Variants in ESRRB observed in about 807,000 individuals in gnomAD.
The protein encoded by ESRRB is steroid hormone receptor ERR2.
In ESRRB, 16 loss-of-function variants were observed where a neutral mutation model predicts 46.0. That is an observed-to-expected ratio of 0.35 (90% CI 0.24 to 0.53). The LOEUF is 0.53. Among genes scored for constraint, ESRRB ranks in the 20% least tolerant of loss-of-function variants. ESRRB has a pLI of 0.93. For missense variants in ESRRB, 488 were observed against 607.4 expected, an observed-to-expected ratio of 0.80 and a Z score of 2.07; for synonymous variants, 246 against 259.6, an observed-to-expected ratio of 0.95 and a Z score of 0.50.
At chr14:76,392,643 C>G (rs906711551) in intron 1 of ESRRB, among the ~76,000 whole-genome samples, 1 of 152,212 alleles carries the variant, frequency 6.6e-6, no homozygotes, top group Non-Finnish European at 1.5e-5. Flanking sequence ...AATGTGGTCT[C>G]AGGCAGAACT....
At chr14:76,398,642 G>T (rs546685779) in intron 1 of ESRRB, among the ~76,000 whole-genome samples, 1 of 152,228 alleles carries the variant, frequency 6.6e-6, no homozygotes, top group East Asian at 1.9e-4. Flanking sequence ...TAGTCAAGGG[G>T]GCATACGTAT....
At chr14:76,435,130 G>C (rs1887618960) in intron 1 of ESRRB, among the ~76,000 whole-genome samples, 1 of 152,228 alleles carries the variant, frequency 6.6e-6, no homozygotes, top group South Asian at 2.1e-4. Flanking sequence ...CTGATGGGCA[G>C]CCGCTAGTAT....
At chr14:76,328,887 G>A (rs1883969476) in intron 1 of ESRRB, among the ~76,000 whole-genome samples, 1 of 152,148 alleles carries the variant, frequency 6.6e-6, no homozygotes, top group South Asian at 2.1e-4. Context: ...CAGGAACTAT[G>A]TTGCAAATAT....
At chr14:76,315,817 C>T (rs1883793462) in intron 1 of ESRRB, among the ~76,000 whole-genome samples, 1 of 152,202 alleles carries the variant, frequency 6.6e-6, no homozygotes, top group Non-Finnish European at 1.5e-5. Flanking sequence ...CTGAGAAGAA[C>T]CCAGGACCTT....
chr14:76,317,747 T>G (rs1201295761), intron 1 of ESRRB, among the ~76,000 whole-genome samples: 2 of 152,152 alleles, frequency 1.3e-5, no homozygotes, highest in African/African-American at 4.8e-5. Context: ...TGCTGGTAAT[T>G]CAGGTGCTGA....
chr14:76,381,587 G>A (rs902123070), intron 1 of ESRRB, among the ~76,000 whole-genome samples: 1 of 152,202 alleles, frequency 6.6e-6, no homozygotes, highest in Non-Finnish European at 1.5e-5. Flanking sequence ...GGATGTGACG[G>A]AAGGACTGTG....
At chr14:76,473,848 A>G (rs950817427) in intron 3 of ESRRB, among the ~76,000 whole-genome samples, 1 of 152,244 alleles carries the variant, frequency 6.6e-6, no homozygotes, top group Non-Finnish European at 1.5e-5. Flanking sequence ...TGGAGAGGCC[A>G]GCAGAGGGGG....
At position 76,433,841 on chromosome 14, in the gene ESRRB, G is replaced by A. The variant is rs149907083; in HGVS notation, c.51-5500G>A. 2.3e-3 allele frequency among the ~76,000 whole-genome samples: 344 copies of A among 152,006 alleles called. 2 individuals carry two copies. The Middle Eastern group carries it at 0.024, about 11-fold the overall frequency. Reference sequence around the variant, plus strand: ...TATAGGATGGAATCTGCTGCCCACCGCCCTTCTAGATGGCTCTGCTCATCC... The same window carrying A: ...TATAGGATGGAATCTGCTGCCCACCACCCTTCTAGATGGCTCTGCTCATCC... On this transcript the variant is annotated intron_variant, in intron 1 of 6. Coordinates refer to ENST00000644823, the MANE Select transcript of ESRRB (RefSeq NM_001379180.1).
In ESRRB at chr14:76,439,601, T is replaced by C; in HGVS notation, c.311T>C (p.Ile104Thr). The C allele has an allele frequency of 1.2e-6, 2 of 1,614,192 alleles. No homozygotes were observed. Among genetic ancestry groups the C allele is most frequent in the Non-Finnish European group, 1.7e-6 (2 of 1,180,014 alleles). ...AGCTACGAGGACTGTGCCAGCGGCA[T>C]CATGGAGGACTCGGCCATCAAGTGC... ...RKSYEDCASG[I>T]MEDSAIKCEY... is the part of the protein sequence containing the mutation. The change falls in exon 2 of 7, where the codon ATC (isoleucine) becomes ACC (threonine). Residue 104 changes from isoleucine to threonine, a missense_variant. Ile to Thr is a moderately conservative substitution (Grantham distance 89, BLOSUM62 -1). Coordinates refer to ENST00000644823, the MANE Select transcript of ESRRB (RefSeq NM_001379180.1).
At chr14:76,430,215 G>C (rs185334962) in intron 1 of ESRRB, among the ~76,000 whole-genome samples, 1 of 152,298 alleles carries the variant, frequency 6.6e-6, no homozygotes, top group East Asian at 1.9e-4. Context: ...AGGTGCCTGA[G>C]GGGCTGATTT....
intron 1 of ESRRB, chr14:76,310,976 C>CTT (rs1482400464): frequency 2.5e-6 from 1 of 395,526 alleles, no homozygotes; most frequent in East Asian, 8.2e-5. Context: ...TTTCTGTCCC[C>CTT]TTTCTCTCTC....
intron 1 of ESRRB, among the ~76,000 whole-genome samples, chr14:76,357,249 T>C (rs1884390144): frequency 6.6e-6 from 1 of 152,326 alleles, no homozygotes; most frequent in African/African-American, 2.4e-5. Context: ...CACAAAAGTA[T>C]TACCCAAGAT....
In ESRRB at chr14:76,500,531, G is replaced by C. The variant is rs1890623448; in HGVS notation, c.*2073G>C. 1.4e-6 allele frequency: 1 copy of C among 706,786 alleles called. No individual in the cohort carries two copies. Among genetic ancestry groups the C allele is most frequent in the African/African-American group, 1.7e-5 (1 of 58,076 alleles). The allele number at this position is 706,786 out of a possible 1,614,324, so 43.8% of individuals were successfully genotyped here. A position where few individuals can be genotyped will look rare whatever the true frequency, so the allele number is the denominator to read the frequency against. On this transcript the variant is annotated 3_prime_UTR_variant, in exon 7 of 7. Transcript: ENST00000644823. Reference sequence around the variant, plus strand: ...CTGCTCCGGAGAAACCTTCACAGTAGAGACCTTGGGGTGTGTGCTTTGGGA... The same window carrying C: ...CTGCTCCGGAGAAACCTTCACAGTACAGACCTTGGGGTGTGTGCTTTGGGA...
chr14:76,410,299 AT>A (rs1406238331), intron 1 of ESRRB, among the ~76,000 whole-genome samples: 1 of 151,992 alleles, frequency 6.6e-6, no homozygotes, highest in Admixed American at 6.6e-5. Context: ...ATTTTGTTTC[AT>A]TTTTTCAGTC....
intron 1 of ESRRB, among the ~76,000 whole-genome samples, chr14:76,355,187 C>A (rs992719364): frequency 6.6e-6 from 1 of 152,142 alleles, no homozygotes; most frequent in Non-Finnish European, 1.5e-5. Context: ...TGGCCAGAGG[C>A]GGTAGAGACC....
At chr14:76,447,878 G>A (rs575760110) in intron 2 of ESRRB, among the ~76,000 whole-genome samples, 3 of 152,020 alleles carry the variant, frequency 2.0e-5, no homozygotes, top group Non-Finnish European at 2.9e-5. Flanking sequence ...TGCCAGGCTC[G>A]GCCGTTCCCA....
chr14:76,461,699 C>T (rs149107434), intron 2 of ESRRB, among the ~76,000 whole-genome samples: 5,409 of 152,080 alleles, frequency 0.036, 110 homozygotes, highest in South Asian at 0.073. Flanking sequence ...TTAGTAGAGA[C>T]GGCATTTCAC....
At chr14:76,336,733 AC>A (rs1444493620) in intron 1 of ESRRB, among the ~76,000 whole-genome samples, 1 of 152,082 alleles carries the variant, frequency 6.6e-6, no homozygotes. Context: ...GGGGGGCGAT[AC>A]CCACTCTTCA....
At position 76,358,326 on chromosome 14, in the gene ESRRB, AGAAAGAAAGAAAGAAAGAAAG is replaced by A. The variant is rs1250960174; in HGVS notation, c.2+47411_2+47431del. On this transcript the variant is annotated intron_variant, in intron 1 of 6. Transcript: ENST00000512784. ...GACTCTGTCTCAAAAAAAAAAAAAA[AGAAAGAAAGAAAGAAAGAAAG>A]AAAGAAAGAAAGAAAGAAAGAAAGA... Among the ~76,000 whole-genome samples the A allele has an allele frequency of 6.2e-4, 21 of 34,034 alleles. 2 individuals carry two copies. The highest frequency in any genetic ancestry group is 2.6e-3 in the African/African-American group (12 of 4,556). 22.3% of individuals were successfully genotyped at this position (34,034 alleles called of 152,430 possible).
Sources: gnomAD v4.1 joint callset for allele counts (sites outside exome capture counted in the v4.1 genomes callset) on GRCh38, gnomAD v4.1.1 for gene constraint, MANE v1.5 for transcripts, NCBI Gene and HGNC (gene_info 2026-07-23, HGNC 2026-07-21) for gene names.